The following WDR17 variants were observed in gnomAD, a reference collection of about 807,000 sequenced individuals.
WDR17 encodes the protein WD repeat domain 17.
WDR17 carries 143 observed loss-of-function variants against 161.7 expected under a neutral mutation model. The observed-to-expected ratio is 0.88, with a 90% CI of 0.77 to 1.02. The LOEUF (loss-of-function observed/expected upper bound fraction) is 1.02. Among genes scored for constraint, WDR17 ranks in the 50% least tolerant of loss-of-function variants. The probability of loss-of-function intolerance (pLI) is 0.00; values close to 1 mark genes in which losing one functional copy is unlikely to be tolerated. For missense variants in WDR17, 1,469 were observed against 1,520.9 expected (o/e 0.97, Z 0.57); for synonymous variants, 517 against 515.6 (o/e 1.00, Z -0.04).
intron 3 of WDR17, among the ~76,000 whole-genome samples, chr4:176,119,020 A>G (rs1741108059): frequency 6.6e-6 from 1 of 152,050 alleles, no homozygotes; most frequent in South Asian, 2.1e-4. Context: ...CAAACTCCAC[A>G]TGATCTGATA....
chr4:176,135,317 G>A, intron 8 of WDR17, 41 bp downstream of exon 8: 5 of 1,596,998 alleles, frequency 3.1e-6, no homozygotes, highest in Non-Finnish European at 4.3e-6. Context: ...CAATGAAATG[G>A]CTTTTTAAAG....
intron 17 of WDR17, among the ~76,000 whole-genome samples, chr4:176,153,442 A>G (rs1366623523): frequency 6.6e-6 from 1 of 152,206 alleles, no homozygotes; most frequent in East Asian, 1.9e-4. Flanking sequence ...TAGTGACTGC[A>G]ATGGAACACG....
At chr4:176,146,268 C>G in intron 12 of WDR17, 109 bp downstream of exon 12, 2 of 1,162,966 alleles carry the variant, frequency 1.7e-6, no homozygotes, top group East Asian at 2.8e-5. Context: ...GAGTCTCCCT[C>G]TGTCACCCAG....
intron 1 of WDR17, among the ~76,000 whole-genome samples, chr4:176,080,754 A>T (rs1464043865): frequency 6.6e-6 from 1 of 151,972 alleles, no homozygotes; most frequent in Non-Finnish European, 1.5e-5. Flanking sequence ...GACATTTAAC[A>T]TATTATTTTC....
intron 4 of WDR17, among the ~76,000 whole-genome samples, chr4:176,122,244 A>G (rs2126727700): frequency 1.3e-5 from 2 of 151,986 alleles, no homozygotes; most frequent in South Asian, 4.2e-4. Context: ...CTGTGACAAA[A>G]TTTTCCCTTT....
At chr4:176,083,685 GC>G (rs1285537499) in intron 1 of WDR17, among the ~76,000 whole-genome samples, 8 of 152,024 alleles carry the variant, frequency 5.3e-5, no homozygotes, top group African/African-American at 1.7e-4. Context: ...ATTGCTGTTG[GC>G]TATACACTTA....
intron 4 of WDR17, among the ~76,000 whole-genome samples, chr4:176,124,864 G>C (rs1742197946): frequency 1.3e-5 from 2 of 152,180 alleles, no homozygotes; most frequent in Admixed American, 1.3e-4. Context: ...GGTAACAAAT[G>C]GGAGACACAT....
intron 18 of WDR17, among the ~76,000 whole-genome samples, chr4:176,156,863 C>G (rs1748221414): frequency 6.6e-6 from 1 of 152,090 alleles, no homozygotes; most frequent in Non-Finnish European, 1.5e-5. Context: ...TCCTTGGCAT[C>G]TTGTGGCTTT....
intron 8 of WDR17, among the ~76,000 whole-genome samples, chr4:176,136,827 A>G (rs927942746): frequency 1.3e-5 from 2 of 151,564 alleles, no homozygotes; most frequent in African/African-American, 2.4e-5. Flanking sequence ...TTTAGTGTGT[A>G]TAATCATTTA....
At chr4:176,152,109 A>AT in intron 17 of WDR17, 142 bp downstream of exon 17, 1 of 727,402 alleles carries the variant, frequency 1.4e-6, no homozygotes, top group Non-Finnish European at 2.1e-6. Flanking sequence ...CAGGAGTTCG[A>AT]TACTAGCCTG....
At chr4:176,129,005 T>A in intron 6 of WDR17, 145 bp downstream of exon 6, 1 of 661,320 alleles carries the variant, frequency 1.5e-6, no homozygotes, top group Non-Finnish European at 2.3e-6. Flanking sequence ...TGCTCAAGGA[T>A]CCATCAAAGC....
chr4:176,163,224 A>T lies in WDR17; in HGVS notation c.2921A>T (p.Glu974Val), dbSNP rs141454308. The T allele has an allele frequency of 1.9e-6, 3 of 1,612,530 alleles. No homozygotes were observed. The highest frequency in any genetic ancestry group is 1.3e-5 in the African/African-American group (1 of 74,988). Residue 974 changes from glutamate (E) to valine (V), a missense_variant, in exon 22 of 29, where the codon GAG becomes GTG. Coordinates refer to ENST00000508596, the MANE Select transcript of WDR17 (RefSeq NM_181265.4). ...LAVCVGTVLG[E>V]SAAPATHYAL... Reference sequence around the variant, plus strand: ...GTCTGTGTGGGCACAGTACTAGGAGAGTCTGCAGCACCAGCAACCCACTAT... The same window carrying T: ...GTCTGTGTGGGCACAGTACTAGGAGTGTCTGCAGCACCAGCAACCCACTAT...
intron 22 of WDR17, among the ~76,000 whole-genome samples, chr4:176,167,882 C>T (rs1029476143): frequency 1.7e-4 from 26 of 149,194 alleles, no homozygotes; most frequent in Admixed American, 6.7e-5. Flanking sequence ...CTCGGTGGCT[C>T]ATGCCTGTAA....
At chr4:176,159,843 A>C in intron 18 of WDR17, 151 bp from the exon 19 acceptor site, 1 of 649,142 alleles carries the variant, frequency 1.5e-6, no homozygotes, top group South Asian at 3.4e-5. Flanking sequence ...TCCACATGTA[A>C]TTTGATTATA....
chr4:176,066,170 G>T (rs192199311), intron 1 of WDR17, 91 bp downstream of exon 1: 1,783 of 152,574 alleles, frequency 0.012, 17 homozygotes, highest in Non-Finnish European at 0.019. Flanking sequence ...TGCGAGAGGG[G>T]CTCTGACCTC....
Position 176,177,631 on chromosome 4 carries a change from T to C in WDR17, c.3709T>C (p.Cys1237Arg). The stretch of plus-strand genomic sequence containing the variant: ...AAGTCATTCTGATATTCACATTTCT[T>C]GTCTTACGGGATTAAAAATCCAGGT... ...LPSHSDIHISCLTGLKIQGPV... is the reference protein window; with the variant it reads ...LPSHSDIHISRLTGLKIQGPV... Residue 1237 changes from cysteine (C) to arginine (R), a missense_variant, in exon 28 of 29, where the codon TGT (cysteine) becomes CGT (arginine). Cys to Arg is a radical substitution (Grantham distance 180, BLOSUM62 -3). Coordinates refer to ENST00000508596, the MANE Select transcript of WDR17 (RefSeq NM_181265.4). The C allele has an allele frequency of 6.3e-7, 1 of 1,590,712 alleles. No individual in the cohort carries two copies. Among genetic ancestry groups the C allele is most frequent in the Non-Finnish European group, 8.5e-7 (1 of 1,173,592 alleles).
chr4:176,179,738 A>AATAT lies in WDR17; in HGVS notation c.*173_*176dup, dbSNP rs148615406. The AATAT allele has an allele frequency of 4.2e-5, 14 of 332,332 alleles. No individual in the cohort carries two copies. The highest frequency in any genetic ancestry group is 1.9e-3 in the Middle Eastern group (2 of 1,042). 20.6% of individuals were successfully genotyped at this position (332,332 alleles called of 1,614,324 possible). The stretch of plus-strand genomic sequence containing the variant: ...AGTGAATTTTAGTCATTAACTTCAA[A>AATAT]ATATATATATATATATAATTTAAAG... On this transcript the variant is annotated 3_prime_UTR_variant, in exon 29 of 29. Coordinates refer to ENST00000508596, the MANE Select transcript of WDR17 (RefSeq NM_181265.4).
intron 1 of WDR17, among the ~76,000 whole-genome samples, chr4:176,067,115 A>C (rs1271208092): frequency 6.6e-6 from 1 of 152,052 alleles, no homozygotes; most frequent in African/African-American, 2.4e-5. Context: ...TGGAGAAAGC[A>C]CTCTTACATC....
intron 1 of WDR17, among the ~76,000 whole-genome samples, chr4:176,104,629 T>G (rs1738394780): frequency 6.6e-6 from 1 of 152,008 alleles, no homozygotes; most frequent in African/African-American, 2.4e-5. Flanking sequence ...AAGCTGAGGT[T>G]TTGTATGTAA....
Sources: allele counts gnomAD v4.1 joint callset (sites outside exome capture counted in the v4.1 genomes callset), GRCh38; gene constraint gnomAD v4.1.1; transcripts MANE v1.5; gene names NCBI Gene and HGNC (gene_info 2026-07-23, HGNC 2026-07-21).